TENM2: variants seen among roughly 807,000 people sequenced by gnomAD.
The protein encoded by TENM2 is teneurin-2.
A neutral mutation model predicts 245.2 loss-of-function variants in TENM2; 52 were observed. The ratio of observed to expected loss-of-function variants is 0.21; its 90% CI spans 0.17 to 0.27. The LOEUF is 0.27. Ranked by LOEUF, TENM2 falls within the 10% of genes least tolerant of loss-of-function variation. TENM2 has a pLI of 1.00. For synonymous variants in TENM2, 1,363 were observed against 1,438.9 expected, an observed-to-expected ratio of 0.95 and a Z score of 1.19; for missense variants, 3,046 against 3,666.8, an observed-to-expected ratio of 0.83 and a Z score of 4.37.
At chr5:167,420,483 ATTC>A (rs139362212) in intron 2 of TENM2, among the ~76,000 whole-genome samples, 1,926 of 152,186 alleles carry the variant, frequency 0.013, 27 homozygotes, top group African/African-American at 0.044. Flanking sequence ...TCCTACCAGT[ATTC>A]TTCTCACTCA....
chr5:166,987,188 T>C, the TENM2 span, among the ~76,000 whole-genome samples: 1 of 152,180 alleles, frequency 6.6e-6, no homozygotes, highest in Non-Finnish European at 1.5e-5. Context: ...AAGTTAAAAT[T>C]GTGTTACGGC....
At chr5:167,828,565 A>T (rs1483773380) in intron 2 of TENM2, among the ~76,000 whole-genome samples, 1 of 152,204 alleles carries the variant, frequency 6.6e-6, no homozygotes, top group Non-Finnish European at 1.5e-5. Flanking sequence ...TATTTGTTTA[A>T]TGAGTCCTTG....
chr5:167,507,078 C>T (rs1769607262), intron 2 of TENM2, among the ~76,000 whole-genome samples: 1 of 152,134 alleles, frequency 6.6e-6, no homozygotes, highest in Admixed American at 6.6e-5. Flanking sequence ...AATTGGATTT[C>T]TGTATGTTTT....
At chr5:168,203,666 GC>G in intron 17 of TENM2, 22 bp from the exon 20 acceptor site, 1 of 1,577,214 alleles carries the variant, frequency 6.3e-7, no homozygotes, top group Non-Finnish European at 8.7e-7. Context: ...CTCTCACTCT[GC>G]CCCACCCCTT....
At chr5:168,086,598 G>A (rs887325726) in intron 7 of TENM2, among the ~76,000 whole-genome samples, 9 of 152,130 alleles carry the variant, frequency 5.9e-5, no homozygotes, top group Non-Finnish European at 1.2e-4. Context: ...GCAGCCAGCC[G>A]GTGCACAGAC....
chr5:167,775,373 A>G (rs1413354380), intron 2 of TENM2, among the ~76,000 whole-genome samples: 1 of 152,184 alleles, frequency 6.6e-6, no homozygotes, highest in Non-Finnish European at 1.5e-5. Flanking sequence ...TTCCCATCAC[A>G]GTTGGAAAAA....
At chr5:168,101,379 G>A (rs955717360) in intron 9 of TENM2, among the ~76,000 whole-genome samples, 5 of 152,238 alleles carry the variant, frequency 3.3e-5, no homozygotes, top group South Asian at 2.1e-4. Flanking sequence ...TGTGTGCTCC[G>A]ACTGCACATC....
At chr5:167,482,883 A>G (rs907376625) in intron 2 of TENM2, among the ~76,000 whole-genome samples, 2 of 152,358 alleles carry the variant, frequency 1.3e-5, no homozygotes, top group African/African-American at 4.8e-5. Flanking sequence ...ATAATAAAGT[A>G]GAAATATCCA....
chr5:167,722,355 C>A (rs1360226503), intron 2 of TENM2, among the ~76,000 whole-genome samples: 1 of 152,040 alleles, frequency 6.6e-6, no homozygotes, highest in Non-Finnish European at 1.5e-5. Context: ...AAGAGTTGCT[C>A]ATTTTCCAAG....
At chr5:167,385,714 A>G (rs1761389456) in intron 2 of TENM2, among the ~76,000 whole-genome samples, 2 of 151,872 alleles carry the variant, frequency 1.3e-5, no homozygotes, top group Non-Finnish European at 2.9e-5. Context: ...ATGCTTTTGC[A>G]TCCTCATACC....
At chr5:167,386,993 CT>C (rs1270922603) in intron 2 of TENM2, among the ~76,000 whole-genome samples, 1 of 151,890 alleles carries the variant, frequency 6.6e-6, no homozygotes, top group Non-Finnish European at 1.5e-5. Flanking sequence ...GCTATGCTGA[CT>C]TTTTTTTGGT....
rs913298631 is a variant in TENM2 at position 167,735,784 on chromosome 5, C to T, written c.503-140202C>T. ...TCATACCACTGCACTCCAGCCTGGG[C>T]GATAGAGTGAGACCCTGTCTCACAA... On this transcript the variant is annotated intron_variant, in intron 2 of 28. Transcript: ENST00000518659. Among the ~76,000 whole-genome samples the T allele has an allele frequency of 7.3e-5, 11 of 151,514 alleles. No individual in the cohort carries two copies. In the South Asian group the frequency reaches 8.4e-4, roughly 12 times the overall value.
the TENM2 span, among the ~76,000 whole-genome samples, chr5:167,056,927 C>G: frequency 1.3e-5 from 2 of 149,714 alleles, no homozygotes; most frequent in Admixed American, 1.3e-4. Flanking sequence ...GCCTGTGGTC[C>G]TTTCTTTCTT....
intron 2 of TENM2, among the ~76,000 whole-genome samples, chr5:167,676,084 C>T (rs940783285): frequency 6.6e-6 from 1 of 152,068 alleles, no homozygotes; most frequent in African/African-American, 2.4e-5. Context: ...ATCACTGTAA[C>T]AACTCCTTAT....
In TENM2 at chr5:168,064,262, A is replaced by G. The variant is rs113799230; in HGVS notation, c.1515+1997A>G. On this transcript the variant is annotated intron_variant, in intron 7 of 28. Transcript: ENST00000518659. Reference sequence around the variant, plus strand: ...TCTCTTGTAGCAAAATGAAGGATTTACAGTAGTGAAATCCACTGATCGGCA... The same window carrying G: ...TCTCTTGTAGCAAAATGAAGGATTTGCAGTAGTGAAATCCACTGATCGGCA... Among the ~76,000 whole-genome samples, 631 of 152,302 alleles carry G rather than the reference A, an allele frequency of 4.1e-3. 5 individuals are homozygous for G. Among genetic ancestry groups the G allele is most frequent in the African/African-American group, 0.015 (609 of 41,564 alleles).
At chr5:168,061,811 C>G (rs1404014233) in intron 6 of TENM2, among the ~76,000 whole-genome samples, 1 of 152,116 alleles carries the variant, frequency 6.6e-6, no homozygotes, top group Non-Finnish European at 1.5e-5. Context: ...TATATTTGAT[C>G]AGTAAAGAGT....
intron 2 of TENM2, among the ~76,000 whole-genome samples, chr5:167,850,085 G>A (rs1770435882): frequency 6.6e-6 from 1 of 152,100 alleles, no homozygotes; most frequent in African/African-American, 2.4e-5. Context: ...TGGTCTTCTG[G>A]TGACCAGCCC....
chr5:167,843,949 G>A (rs1769792240), intron 2 of TENM2, among the ~76,000 whole-genome samples: 1 of 152,168 alleles, frequency 6.6e-6, no homozygotes, highest in South Asian at 2.1e-4. Context: ...ATTAAGGCTG[G>A]ATAATGGTAG....
chr5:168,153,110 A>G (rs1756801936), intron 12 of TENM2, among the ~76,000 whole-genome samples: 1 of 152,186 alleles, frequency 6.6e-6, no homozygotes, highest in Admixed American at 6.5e-5. Context: ...AGCCATGAAC[A>G]ACTGAGCCAA....
Sources: allele counts gnomAD v4.1 joint callset (sites outside exome capture counted in the v4.1 genomes callset), GRCh38; gene constraint gnomAD v4.1.1; transcripts MANE v1.5; gene names NCBI Gene and HGNC (gene_info 2026-07-23, HGNC 2026-07-21).